Variants in ANKFY1 observed in about 807,000 individuals in gnomAD.
ANKFY1 encodes ankyrin repeat and FYVE domain containing 1.
ANKFY1 carries 47 observed loss-of-function variants against 128.3 expected under a neutral mutation model. The observed-to-expected ratio is 0.37, with a 90% CI of 0.29 to 0.47. The LOEUF (loss-of-function observed/expected upper bound fraction) is 0.47. Ranked by LOEUF, ANKFY1 falls within the 20% of genes least tolerant of loss-of-function variation. ANKFY1 has a pLI of 1.00. For missense variants in ANKFY1, 1,222 were observed against 1,510.6 expected (o/e 0.81, Z 3.17); for synonymous variants, 553 against 601.6 (o/e 0.92, Z 1.18).
At chr17:4,202,656 C>A (rs2059952251) in intron 7 of ANKFY1, among the ~76,000 whole-genome samples, 1 of 126,326 alleles carries the variant, frequency 7.9e-6, no homozygotes, top group South Asian at 2.6e-4. Flanking sequence ...GAGATTGTGC[C>A]ACTGCACTTC....
intron 1 of ANKFY1, among the ~76,000 whole-genome samples, chr17:4,258,264 G>A (rs547112909): frequency 6.4e-4 from 98 of 152,230 alleles, no homozygotes; most frequent in African/African-American, 2.3e-3. Context: ...GGTGGCTCAC[G>A]CCTGTAATCC....
At chr17:4,179,944 A>G in intron 16 of ANKFY1, 67 bp from the exon 17 acceptor site, 3 of 1,588,046 alleles carry the variant, frequency 1.9e-6, no homozygotes, top group Non-Finnish European at 2.6e-6. Flanking sequence ...TGCTGATTAC[A>G]AATGTAAAGC....
At chr17:4,210,032 C>T (rs2060098129) in intron 4 of ANKFY1, 85 bp from the exon 5 acceptor site, 1 of 1,349,450 alleles carries the variant, frequency 7.4e-7, no homozygotes, top group Non-Finnish European at 1.0e-6. Context: ...TTTGTACTGG[C>T]TGGCTATGTC....
chr17:4,166,606 G>A lies in ANKFY1; in HGVS notation c.*1173C>T, dbSNP rs117501868. On this transcript the variant is annotated 3_prime_UTR_variant, in exon 25 of 25. Coordinates refer to ENST00000341657, the MANE Select transcript of ANKFY1 (RefSeq NM_001330063.2). ...AAGCCAGAGACTTCCAAAGTAAGGT[G>A]GCGCACACGTGGCCAGGGCCCTTGG... 0.04 allele frequency: 6,049 copies of A among 152,542 alleles called. 156 individuals carry two copies. The highest frequency in any genetic ancestry group is 0.057 in the Non-Finnish European group (3,887 of 68,064). The allele number at this position is 152,542 out of a possible 1,614,324, so 9.4% of individuals were successfully genotyped here. A position where few individuals can be genotyped will look rare whatever the true frequency, so the allele number is the denominator to read the frequency against.
intron 6 of ANKFY1, 144 bp downstream of exon 6, chr17:4,207,789 T>A: frequency 1.3e-6 from 1 of 770,864 alleles, no homozygotes; most frequent in East Asian, 3.1e-5. Flanking sequence ...AAAGCTCAGA[T>A]TGCCTTGAAC....
At chr17:4,197,323 A>G (rs374027704) in intron 8 of ANKFY1, 50 bp downstream of exon 8, 1 of 1,586,232 alleles carries the variant, frequency 6.3e-7, no homozygotes, top group Non-Finnish European at 8.6e-7. Flanking sequence ...CTACTGTAAG[A>G]TATCTTCTGA....
intron 1 of ANKFY1, chr17:4,263,724 T>C: frequency 6.8e-7 from 1 of 1,479,220 alleles, no homozygotes; most frequent in Non-Finnish European, 8.9e-7. Context: ...TCCCGCGGGG[T>C]CGGCATCGCG....
intron 3 of ANKFY1, chr17:4,222,262 C>G: frequency 3.7e-6 from 2 of 541,364 alleles, no homozygotes; most frequent in Non-Finnish European, 6.7e-6. Context: ...GGCCGCGGGG[C>G]CCAGCGTGAG....
rs369214661 is a variant in ANKFY1, at chr17:4,179,911, C to T, written c.2241-34G>A. 28 of 1,612,256 alleles carry T rather than the reference C, an allele frequency of 1.7e-5. No homozygotes were observed. The East Asian group carries it at 2.2e-4, about 13-fold the overall frequency. ...AATGGGGACATTTTAAAAAACGCCA[C>T]GCTTGGACCTGGCGTATAGGCATGC... On this transcript the variant is annotated intron_variant, in intron 16 of 24. Transcript: ENST00000341657.
At chr17:4,183,369 G>A in intron 14 of ANKFY1, 29 bp downstream of exon 14, 1 of 1,605,070 alleles carries the variant, frequency 6.2e-7, no homozygotes, top group Non-Finnish European at 8.5e-7. Flanking sequence ...GTTACCTGGT[G>A]TTAGGTGGAG....
chr17:4,260,570 A>G (rs1968358286), intron 1 of ANKFY1, among the ~76,000 whole-genome samples: 2 of 143,130 alleles, frequency 1.4e-5, no homozygotes, highest in Non-Finnish European at 3.0e-5. Flanking sequence ...ATGAGCTGTG[A>G]TCACGCCATT....
chr17:4,252,606 A>G (rs1483933566), intron 1 of ANKFY1, among the ~76,000 whole-genome samples: 1 of 152,228 alleles, frequency 6.6e-6, no homozygotes, highest in African/African-American at 2.4e-5. Context: ...AGCCTGATAC[A>G]TTGCTAATGG....
At chr17:4,199,871 G>A (rs564054119) in intron 7 of ANKFY1, among the ~76,000 whole-genome samples, 27 of 152,210 alleles carry the variant, frequency 1.8e-4, no homozygotes, top group African/African-American at 5.8e-4. Context: ...TTTAAAACAC[G>A]CAAACACCAT....
At chr17:4,186,840 T>C in intron 11 of ANKFY1, 1 of 1,002,260 alleles carries the variant, frequency 1.0e-6, no homozygotes, top group Non-Finnish European at 1.2e-6. Flanking sequence ...CAAACCCAGG[T>C]CTCCAGCCCC....
At chr17:4,240,382 C>CTTTA (rs1343103307) in intron 2 of ANKFY1, among the ~76,000 whole-genome samples, 20 of 143,506 alleles carry the variant, frequency 1.4e-4, no homozygotes, top group African/African-American at 4.9e-4. Flanking sequence ...GCATGTTAAT[C>CTTTA]TTTATTTATT....
chr17:4,256,246 G>A (rs998861583), intron 1 of ANKFY1, among the ~76,000 whole-genome samples: 2 of 152,036 alleles, frequency 1.3e-5, no homozygotes, highest in Non-Finnish European at 2.9e-5. Context: ...GGCTAACAGA[G>A]TGAAACCCCG....
intron 3 of ANKFY1, among the ~76,000 whole-genome samples, chr17:4,224,699 C>T (rs1000449527): frequency 6.6e-6 from 1 of 151,792 alleles, no homozygotes; most frequent in South Asian, 2.1e-4. Flanking sequence ...ATTCTGCTTT[C>T]GTGTTTTTGG....
At chr17:4,190,244 C>T (rs1385247977) in intron 10 of ANKFY1, among the ~76,000 whole-genome samples, 1 of 152,110 alleles carries the variant, frequency 6.6e-6, no homozygotes, top group Admixed American at 6.6e-5. Flanking sequence ...AGTTTGAGAT[C>T]AGCCCGGCCG....
rs757606843 is a variant in ANKFY1, at chr17:4,167,757, C to T, written c.*22G>A. The T allele has an allele frequency of 1.2e-6, 2 of 1,607,396 alleles. No individual in the cohort carries two copies. Among genetic ancestry groups the T allele is most frequent in the Non-Finnish European group, 1.7e-6 (2 of 1,176,078 alleles). ...GCTGGGGAGGTGACCAAGGACGTGG[C>T]CTGGACCCTCCGGGGGGCTCACTAA... On this transcript the variant is annotated 3_prime_UTR_variant, in exon 25 of 25. Transcript: ENST00000341657. This position sits in a 1 kb window ranked among gnomAD's most constrained non-coding sequence, Gnocchi z 4.1.
Sources: allele counts gnomAD v4.1 joint callset (sites outside exome capture counted in the v4.1 genomes callset), GRCh38; gene constraint gnomAD v4.1.1; non-coding constraint Gnocchi (gnomAD v3.1); transcripts MANE v1.5; gene names NCBI Gene and HGNC (gene_info 2026-07-23, HGNC 2026-07-21).